Variants in CHSY3 observed in about 807,000 individuals in gnomAD.
CHSY3 encodes chondroitin sulfate synthase 3.
In CHSY3, 35 loss-of-function variants were observed where a neutral mutation model predicts 67.2. That is an observed-to-expected ratio of 0.52 (90% CI 0.40 to 0.69). CHSY3 has a LOEUF of 0.69. CHSY3 is among the 30% of genes least tolerant of loss of function. CHSY3 has a pLI of 0.00. For missense variants in CHSY3, 1,069 were observed against 1,138.5 expected (o/e 0.94, Z 0.88); for synonymous variants, 474 against 434.7 (o/e 1.09, Z -1.12).
At chr5:130,172,041 T>G (rs545950330) in intron 2 of CHSY3, among the ~76,000 whole-genome samples, 49 of 152,142 alleles carry the variant, frequency 3.2e-4, no homozygotes, top group Admixed American at 5.9e-4. Context: ...TTATGTCACT[T>G]CTCTGCCCTG....
At position 130,004,350 on chromosome 5, in the gene CHSY3, G is replaced by A. The variant is rs139317698; in HGVS notation, c.1086+95990G>A. ...TTTAAATAAGCTTGTGTTTTTCAAC[G>A]TTTACAATTTTTATATATTTGAGTA... On this transcript the variant is annotated intron_variant, in intron 2 of 2. Coordinates refer to ENST00000305031, the MANE Select transcript of CHSY3 (RefSeq NM_175856.5). Among the ~76,000 whole-genome samples the A allele has an allele frequency of 2.2e-4, 33 of 152,146 alleles. No individual in the cohort carries two copies. In the East Asian group the frequency reaches 3.9e-3, roughly 18 times the overall value.
At chr5:130,118,561 A>C (rs1486940723) in intron 2 of CHSY3, among the ~76,000 whole-genome samples, 1 of 151,900 alleles carries the variant, frequency 6.6e-6, no homozygotes, top group East Asian at 1.9e-4. Flanking sequence ...TATAGTGGTG[A>C]TTCTCATTAA....
In CHSY3 at chr5:129,904,568, A is replaced by G. The variant is rs1037708052; in HGVS notation, c.-262A>G. ...TGCCGCTGCTGCCGCCGCTGCCGCC[A>G]CCGCCGCCGCCGGGAGAAGTTTCAC... On this transcript the variant is annotated 5_prime_UTR_variant, in exon 1 of 3. Transcript: ENST00000305031. 4.1e-5 allele frequency: 17 copies of G among 418,254 alleles called. No individual in the cohort carries two copies. Among genetic ancestry groups the G allele is most frequent in the Admixed American group, 2.9e-4 (6 of 20,448 alleles). The allele number at this position is 418,254 out of a possible 1,614,324, so 25.9% of individuals were successfully genotyped here. A position where few individuals can be genotyped will look rare whatever the true frequency, so the allele number is the denominator to read the frequency against.
chr5:130,159,403 G>A (rs1769464912), intron 2 of CHSY3, among the ~76,000 whole-genome samples: 1 of 151,894 alleles, frequency 6.6e-6, no homozygotes, highest in Admixed American at 6.6e-5. Context: ...GGGCTCAAGG[G>A]ATCTGCCTAT....
At chr5:130,177,864 CA>C (rs1206330382) in intron 2 of CHSY3, among the ~76,000 whole-genome samples, 4 of 152,082 alleles carry the variant, frequency 2.6e-5, no homozygotes, top group Non-Finnish European at 2.9e-5. Flanking sequence ...TCTGCTCACT[CA>C]TTCTGGAACT....
At chr5:129,931,115 T>A (rs538429818) in intron 2 of CHSY3, among the ~76,000 whole-genome samples, 1 of 152,282 alleles carries the variant, frequency 6.6e-6, no homozygotes. Flanking sequence ...CTGTTTAGTG[T>A]GGCTTTGAAA....
chr5:130,049,227 T>A (rs2149670217), intron 2 of CHSY3, among the ~76,000 whole-genome samples: 1 of 152,216 alleles, frequency 6.6e-6, no homozygotes, highest in East Asian at 1.9e-4. Flanking sequence ...ATTTATTTCA[T>A]GAGAGTTGAG....
chr5:130,109,981 GA>G (rs1767540382), intron 2 of CHSY3, among the ~76,000 whole-genome samples: 1 of 151,762 alleles, frequency 6.6e-6, no homozygotes, highest in Non-Finnish European at 1.5e-5. Context: ...AAATTACTAG[GA>G]AAAACTATGG....
At chr5:130,111,763 A>C (rs921910782) in intron 2 of CHSY3, among the ~76,000 whole-genome samples, 6 of 150,696 alleles carry the variant, frequency 4.0e-5, no homozygotes, top group African/African-American at 1.5e-4. Flanking sequence ...GGTTAAAGTG[A>C]TTTTTTTTTT....
At chr5:130,021,077 CTG>C (rs1047798880) in intron 2 of CHSY3, among the ~76,000 whole-genome samples, 6 of 152,124 alleles carry the variant, frequency 3.9e-5, no homozygotes, top group African/African-American at 1.4e-4. Flanking sequence ...GATGGGACCT[CTG>C]TTTATTTGAT....
chr5:130,165,279 A>T (rs1769710358), intron 2 of CHSY3, among the ~76,000 whole-genome samples: 1 of 152,162 alleles, frequency 6.6e-6, no homozygotes, highest in African/African-American at 2.4e-5. Flanking sequence ...CCCAGAAGAT[A>T]TGAAGAAGAG....
Position 129,905,086 on chromosome 5 carries a change from C to T in CHSY3, c.257C>T (p.Pro86Leu), listed in dbSNP as rs1760202781. The T allele has an allele frequency of 1.3e-6, 2 of 1,542,760 alleles. No homozygotes were observed. The highest frequency in any genetic ancestry group is 1.7e-4 in the Middle Eastern group (1 of 5,840). ...PPPARQDLQGPPLPEAAPGIT... is the reference protein window; with the variant it reads ...PPPARQDLQGLPLPEAAPGIT... The stretch of plus-strand genomic sequence containing the variant: ...CCCGCGCGCCAGGATCTCCAGGGGC[C>T]ACCGCTGCCCGAGGCAGCACCCGGG... Residue 86 changes from proline (P) to leucine (L), a missense_variant, in exon 1 of 3, where the codon CCA becomes CTA. Pro to Leu is a moderately conservative substitution (Grantham distance 98, BLOSUM62 -3). Coordinates refer to ENST00000305031, the MANE Select transcript of CHSY3 (RefSeq NM_175856.5).
At chr5:130,068,013 G>A (rs1378640388) in intron 2 of CHSY3, among the ~76,000 whole-genome samples, 1 of 152,144 alleles carries the variant, frequency 6.6e-6, no homozygotes, top group Non-Finnish European at 1.5e-5. Context: ...ACTCATAAAT[G>A]TCCAGGCAGC....
intron 2 of CHSY3, among the ~76,000 whole-genome samples, chr5:130,111,088 C>T (rs2149703799): frequency 6.6e-6 from 1 of 152,166 alleles, no homozygotes; most frequent in Admixed American, 6.6e-5. Flanking sequence ...TGAAAGAATG[C>T]TGCCTGTAGG....
intron 2 of CHSY3, among the ~76,000 whole-genome samples, chr5:130,129,201 T>C (rs917627573): frequency 6.6e-6 from 1 of 152,152 alleles, no homozygotes; most frequent in Non-Finnish European, 1.5e-5. Context: ...TAATACAAGA[T>C]AGCATCATCA....
chr5:129,935,947 C>T (rs1761473986), intron 2 of CHSY3, among the ~76,000 whole-genome samples: 1 of 152,122 alleles, frequency 6.6e-6, no homozygotes, highest in Admixed American at 6.6e-5. Flanking sequence ...AGAACAACCT[C>T]TTAGTTGTTG....
rs556202871 is a variant in CHSY3, at chr5:130,134,103, A to G, written c.1087-50126A>G. Among the ~76,000 whole-genome samples the G allele has an allele frequency of 1.1e-4, 16 of 152,302 alleles. No homozygotes were observed. In the South Asian group the frequency reaches 2.7e-3, roughly 26 times the overall value. ...TGCCTTGTTACTTAAGTGGACAATG[A>G]GGCTTACAGAAGTGATGTTGCTTTC... On this transcript the variant is annotated intron_variant, in intron 2 of 2. Coordinates refer to ENST00000305031, the MANE Select transcript of CHSY3 (RefSeq NM_175856.5).
rs1162558117 is a variant in CHSY3, at chr5:129,908,340, C to T, written c.1066C>T (p.Gln356Ter). ...ATGCGTTCGCCGTTTTGGTGGGACTCAGTGTGTCTGGTCTTACGAGGTAAG... is the reference window on the plus strand; with the variant it reads ...ATGCGTTCGCCGTTTTGGTGGGACTTAGTGTGTCTGGTCTTACGAGGTAAG... ...GRCVRRFGGT[Q>*]CVWSYEMQQL... The change falls in exon 2 of 3, where the codon CAG becomes TAG. Residue 356 changes from glutamine to a stop codon, truncating the protein, a stop_gained. Transcript: ENST00000305031. LOFTEE classifies it low-confidence loss of function (END_TRUNC). 1.2e-6 allele frequency: 2 copies of T among 1,613,922 alleles called. No homozygotes were observed. Among genetic ancestry groups the T allele is most frequent in the Non-Finnish European group, 1.7e-6 (2 of 1,179,846 alleles).
chr5:130,163,730 A>G (rs1188772463), intron 2 of CHSY3, among the ~76,000 whole-genome samples: 3 of 152,170 alleles, frequency 2.0e-5, no homozygotes, highest in Non-Finnish European at 4.4e-5. Context: ...ATGGGGGAGG[A>G]TTGAAAATAA....
Sources: gnomAD v4.1 joint callset for allele counts (sites outside exome capture counted in the v4.1 genomes callset) on GRCh38, gnomAD v4.1.1 for gene constraint, MANE v1.5 for transcripts, NCBI Gene and HGNC (gene_info 2026-07-23, HGNC 2026-07-21) for gene names.